VPS13B: variants seen among roughly 807,000 people sequenced by gnomAD.
The protein encoded by VPS13B is intermembrane lipid transfer protein VPS13B.
VPS13B carries 285 observed loss-of-function variants against 426.4 expected under a neutral mutation model. That is an observed-to-expected ratio of 0.67 (90% CI 0.61 to 0.74). The LOEUF is 0.74. VPS13B is among the 30% of genes least tolerant of loss of function. The pLI is 0.00. For synonymous variants in VPS13B, 1,676 were observed against 1,676.4 expected (o/e 1.00, Z 0.01); for missense variants, 4,537 against 4,782.6 (o/e 0.95, Z 1.51).
intron 56 of VPS13B, 51 bp from the exon 57 acceptor site, chr8:99,859,253 A>T: frequency 6.2e-7 from 1 of 1,610,144 alleles, no homozygotes; most frequent in Non-Finnish European, 8.5e-7. Context: ...ACAAATGTTG[A>T]AAGTTCTGCA....
intron 35 of VPS13B, among the ~76,000 whole-genome samples, chr8:99,678,822 A>T (rs1034612809): frequency 2.0e-5 from 3 of 152,196 alleles, no homozygotes; most frequent in Non-Finnish European, 4.4e-5. Flanking sequence ...CTCATTCAAA[A>T]AAGCAGGATA....
chr8:99,013,484 C>T (rs1224760221), intron 1 of VPS13B, 137 bp downstream of exon 1: 5 of 401,696 alleles, frequency 1.2e-5, no homozygotes, highest in African/African-American at 6.2e-5. Context: ...AGGGCTACTG[C>T]GGCCGAAGGG....
At chr8:99,544,410 A>G (rs1321648404) in intron 30 of VPS13B, among the ~76,000 whole-genome samples, 2 of 152,140 alleles carry the variant, frequency 1.3e-5, no homozygotes, top group Non-Finnish European at 2.9e-5. Context: ...ACATGTATAC[A>G]TATGTAACTA....
rs1248297780 is a variant in VPS13B, at chr8:99,846,375, T to G, written c.9943-2401T>G. ...AGGATTGCATCTTCTCTGTGCCTGA[T>G]GCAGTGACTAATTCTTTGTAGGCAC... On this transcript the variant is annotated intron_variant, in intron 54 of 61. Coordinates refer to ENST00000357162, the MANE Select transcript of VPS13B (RefSeq NM_152564.5). Among the ~76,000 whole-genome samples the G allele has an allele frequency of 4.6e-5, 7 of 152,252 alleles. No homozygotes were observed. In the East Asian group the frequency reaches 1.3e-3, roughly 29 times the overall value.
intron 13 of VPS13B, among the ~76,000 whole-genome samples, chr8:99,145,845 A>G (rs1253269599): frequency 6.6e-6 from 1 of 152,150 alleles, no homozygotes; most frequent in African/African-American, 2.4e-5. Flanking sequence ...TGGTAGTTGC[A>G]TGTTTATTAT....
In VPS13B at chr8:99,766,841, T is replaced by G; in HGVS notation, c.7118T>G (p.Leu2373Arg). ...KVFVAFREFN[L>R]SESKVCELQL... is the part of the protein sequence containing the mutation. The stretch of plus-strand genomic sequence containing the variant: ...TTTGTTGCATTTAGAGAATTTAATC[T>G]GTCTGAAAGCAAAGTTTGTGAACTG... Residue 2373 changes from leucine to arginine, a missense_variant, in exon 40 of 62, where the codon CTG becomes CGG. By Grantham distance (102) the Leu-to-Arg change is moderately radical. Around this residue, in one of 2 missense-constraint regions of VPS13B, gnomAD observed 4,311 missense variants for 4,474.3 expected, o/e 0.96. Coordinates refer to ENST00000357162, the MANE Select transcript of VPS13B (RefSeq NM_152564.5). 1 of 1,614,084 alleles carries G rather than the reference T, an allele frequency of 6.2e-7. No individual in the cohort carries two copies. Among genetic ancestry groups the G allele is most frequent in the South Asian group, 1.1e-5 (1 of 91,076 alleles).
intron 23 of VPS13B, among the ~76,000 whole-genome samples, chr8:99,454,783 A>T (rs1376563898): frequency 6.6e-6 from 1 of 152,208 alleles, no homozygotes; most frequent in African/African-American, 2.4e-5. Flanking sequence ...GTTGTTCCAC[A>T]TACTCACTAG....
At chr8:99,859,005 G>A (rs1816695658) in intron 56 of VPS13B, among the ~76,000 whole-genome samples, 1 of 152,186 alleles carries the variant, frequency 6.6e-6, no homozygotes. Context: ...TGGTAGCAGA[G>A]TGCATCCCCG....
chr8:99,340,716 C>A, intron 19 of VPS13B: 1 of 361,440 alleles, frequency 2.8e-6, no homozygotes, highest in Non-Finnish European at 5.4e-6. Flanking sequence ...GGTTCAGGAG[C>A]AGCCTGGGGC....
intron 8 of VPS13B, among the ~76,000 whole-genome samples, chr8:99,125,577 T>C (rs551063641): frequency 1.5e-3 from 232 of 152,258 alleles, no homozygotes; most frequent in African/African-American, 5.1e-3. Flanking sequence ...ATTTAGAATA[T>C]GCAAAATCAC....
intron 34 of VPS13B, among the ~76,000 whole-genome samples, 163 bp from the exon 35 acceptor site, chr8:99,661,191 G>C (rs969940014): frequency 6.6e-6 from 1 of 152,058 alleles, no homozygotes; most frequent in South Asian, 2.1e-4. Context: ...ATCTTTTTCA[G>C]CGCGAGTGCT....
chr8:99,725,468 C>G (rs1833305847), intron 39 of VPS13B, among the ~76,000 whole-genome samples: 2 of 152,174 alleles, frequency 1.3e-5, no homozygotes, highest in Non-Finnish European at 2.9e-5. Context: ...TTATGAGAAT[C>G]TAACCAATGC....
At chr8:99,263,772 T>C (rs1174489978) in intron 17 of VPS13B, among the ~76,000 whole-genome samples, 1 of 152,226 alleles carries the variant, frequency 6.6e-6, no homozygotes, top group Non-Finnish European at 1.5e-5. Flanking sequence ...TGAATTTTCC[T>C]TTCTGTTGTA....
intron 44 of VPS13B, among the ~76,000 whole-genome samples, chr8:99,813,635 A>G (rs16897732): frequency 0.02 from 2,980 of 152,344 alleles, 109 homozygotes; most frequent in African/African-American, 0.069. Context: ...GTTTTAAAAG[A>G]TTATGATGGC....
chr8:99,124,735 A>G (rs1309310208), intron 8 of VPS13B, among the ~76,000 whole-genome samples: 1 of 151,804 alleles, frequency 6.6e-6, no homozygotes, highest in East Asian at 1.9e-4. Context: ...AAATACAAAA[A>G]GCTGGGTGTG....
At chr8:99,273,611 C>T (rs1030471258) in intron 17 of VPS13B, among the ~76,000 whole-genome samples, 30 of 151,816 alleles carry the variant, frequency 2.0e-4, no homozygotes, top group Non-Finnish European at 4.4e-5. Flanking sequence ...ATGCTGAAAC[C>T]GCGTCTCTAC....
chr8:99,251,592 A>G (rs1009411932), intron 17 of VPS13B, among the ~76,000 whole-genome samples: 11 of 152,022 alleles, frequency 7.2e-5, no homozygotes, highest in Non-Finnish European at 1.2e-4. Flanking sequence ...TAATATTTTG[A>G]TAAGTTCGTA....
chr8:99,556,476 G>C lies in VPS13B; in HGVS notation c.4772G>C (p.Arg1591Pro). The change falls in exon 31 of 62, where the codon CGA (arginine) becomes CCA (proline). Residue 1591 changes from arginine to proline, a missense_variant. Physicochemically the swap from Arg to Pro is moderately radical, Grantham distance 103. Transcript: ENST00000357162. The part of the protein sequence containing the change: ...YQRALNLGIL[R>P]DPGSEIEDRQ... ...AGAGCCTTGAACTTAGGAATTCTTC[G>C]AGATCCTGGATCAGAAATCGAAGAC... 6.2e-7 allele frequency: 1 copy of C among 1,612,426 alleles called. No homozygotes were observed. The highest frequency in any genetic ancestry group is 1.1e-5 in the South Asian group (1 of 91,032).
chr8:99,282,335 AAC>A (rs1458314645), intron 19 of VPS13B, among the ~76,000 whole-genome samples: 1 of 152,220 alleles, frequency 6.6e-6, no homozygotes, highest in Non-Finnish European at 1.5e-5. Context: ...TCCAAAATTT[AAC>A]ACAGTCTTCC....
Sources: allele counts gnomAD v4.1 joint callset (sites outside exome capture counted in the v4.1 genomes callset), GRCh38; gene constraint gnomAD v4.1.1; regional missense constraint gnomAD v4.1.1; transcripts MANE v1.5; gene names NCBI Gene and HGNC (gene_info 2026-07-23, HGNC 2026-07-21).